MYOC: variants seen among roughly 807,000 people sequenced by gnomAD.
MYOC encodes myocilin, also known as juvenile-onset open-angle glaucoma 1.
Under a neutral mutation model 28.2 loss-of-function variants are expected in MYOC, and 29 were observed. That is an observed-to-expected ratio of 1.03 (90% confidence interval 0.77 to 1.40). MYOC has a LOEUF of 1.40. Among genes scored for constraint, MYOC ranks in the 40% most tolerant of loss-of-function variants. MYOC has a pLI of 0.00. For missense variants in MYOC, 569 were observed against 620.6 expected (o/e 0.92, Z 0.88); for synonymous variants, 240 against 245.6 (o/e 0.98, Z 0.21).
intron 1 of MYOC, among the ~76,000 whole-genome samples, chr1:171,649,362 T>C (rs1653295659): frequency 1.3e-5 from 2 of 152,304 alleles, no homozygotes; most frequent in African/African-American, 2.4e-5. Context: ...CCTAGACTTA[T>C]ATTCCAGCCT....
intron 1 of MYOC, among the ~76,000 whole-genome samples, chr1:171,639,669 A>G (rs1653025905): frequency 1.3e-5 from 2 of 150,708 alleles, no homozygotes; most frequent in African/African-American, 4.9e-5. Flanking sequence ...AAAAAAAAAG[A>G]GACCGGGCAC....
At position 171,637,655 on chromosome 1, in the gene MYOC, C is replaced by G. The variant is rs939863586; in HGVS notation, c.730+942G>C. Among the ~76,000 whole-genome samples the G allele has an allele frequency of 4.6e-5, 7 of 152,072 alleles. No homozygotes were observed. The East Asian group carries it at 1.2e-3, about 25-fold the overall frequency. ...TGAGACAGAGTCTCACTCTGTCGCC[C>G]AGGCTGGAGGGCAGTGGTGTGATCT... On this transcript the variant is annotated intron_variant, in intron 2 of 2. Transcript: ENST00000037502.
chr1:171,651,586 T>G (rs531114857), intron 1 of MYOC, among the ~76,000 whole-genome samples: 34 of 152,318 alleles, frequency 2.2e-4, no homozygotes, highest in African/African-American at 8.2e-4. Context: ...CTTATTATCA[T>G]TTCCCAAATC....
intron 1 of MYOC, among the ~76,000 whole-genome samples, chr1:171,650,939 G>A (rs1035858293): frequency 4.6e-5 from 7 of 151,894 alleles, no homozygotes; most frequent in Non-Finnish European, 1.0e-4. Context: ...TTTATCCTTC[G>A]CAACCACAGT....
intron 1 of MYOC, among the ~76,000 whole-genome samples, chr1:171,651,670 A>C (rs1376644205): frequency 6.6e-5 from 10 of 152,212 alleles, no homozygotes; most frequent in Admixed American, 6.5e-4. Flanking sequence ...AGGTTCAAAA[A>C]AGGATAGTTT....
In MYOC at chr1:171,652,436, G is replaced by A; in HGVS notation, c.176C>T (p.Ser59Phe). 1.9e-6 allele frequency: 3 copies of A among 1,614,204 alleles called. No individual in the cohort carries two copies. Among genetic ancestry groups the A allele is most frequent in the Non-Finnish European group, 2.5e-6 (3 of 1,180,040 alleles). ...YTFSVASPNE[S>F]SCPEQSQAMS... ...GGCCTGGCTCTGCTCTGGGCAGCTG[G>A]ATTCATTGGGACTGGCCACACTGAA... The change falls in exon 1 of 3, where the codon TCC (serine) becomes TTC (phenylalanine). Residue 59 changes from serine (S) to phenylalanine (F), a missense_variant. Physicochemically the swap from Ser to Phe is radical, Grantham distance 155 (BLOSUM62 -2). Coordinates refer to ENST00000037502, the MANE Select transcript of MYOC (RefSeq NM_000261.2).
chr1:171,648,110 AC>A (rs1388685693), intron 1 of MYOC, among the ~76,000 whole-genome samples: 3 of 151,374 alleles, frequency 2.0e-5, no homozygotes, highest in Admixed American at 6.6e-5. Context: ...AATTGCTTGA[AC>A]CCAGGAGGCG....
Position 171,635,897 on chromosome 1 carries a change from G to A in MYOC, c.*28C>T. On this transcript the variant is annotated 3_prime_UTR_variant, in exon 3 of 3. Coordinates refer to ENST00000037502, the MANE Select transcript of MYOC (RefSeq NM_000261.2). ...CCAGGAGCCCTGAGCATCTCCTTCT[G>A]CCATTGCCTGTACAGCTTGGAGGCT... The A allele has an allele frequency of 1.2e-6, 2 of 1,612,754 alleles. No individual in the cohort carries two copies. The highest frequency in any genetic ancestry group is 1.7e-6 in the Non-Finnish European group (2 of 1,179,338).
chr1:171,638,198 G>A (rs912069147), intron 2 of MYOC, among the ~76,000 whole-genome samples: 2 of 152,204 alleles, frequency 1.3e-5, no homozygotes, highest in African/African-American at 4.8e-5. Flanking sequence ...ACAGATTGTG[G>A]CTGAGATGGT....
At chr1:171,639,077 CAAGA>C (rs1471832830) in intron 1 of MYOC, among the ~76,000 whole-genome samples, 28 of 152,130 alleles carry the variant, frequency 1.8e-4, no homozygotes, top group Non-Finnish European at 3.4e-4. Flanking sequence ...GCTTGGGCAA[CAAGA>C]AAGAAACTCT....
rs78446738 is a variant in MYOC at position 171,644,047 on chromosome 1, A to C, written c.605-5325T>G. On this transcript the variant is annotated intron_variant, in intron 1 of 2. Coordinates refer to ENST00000037502, the MANE Select transcript of MYOC (RefSeq NM_000261.2). ...GAGAAATACTGCATGCCATCTGTAC[A>C]CAAAGTCTGGAGGACTGCCCCAACC... is the stretch of plus-strand genomic sequence containing the variant. Among the ~76,000 whole-genome samples the C allele has an allele frequency of 1.7e-3, 252 of 151,412 alleles. 3 individuals are homozygous for C. Among genetic ancestry groups the C allele is most frequent in the African/African-American group, 5.9e-3 (242 of 41,220 alleles).
chr1:171,636,000 G>A lies in MYOC; in HGVS notation c.1440C>T (p.Asn480=), dbSNP rs74315332. 1 of 1,614,192 alleles carries A rather than the reference G, an allele frequency of 6.2e-7. No individual in the cohort carries two copies. Among genetic ancestry groups the A allele is most frequent in the South Asian group, 1.1e-5 (1 of 91,078 alleles). ...RYKYSSMIDY[N]PLEKKLFAWD... is the part of the protein sequence containing the mutation. ...AGGCAAAGAGCTTCTTCTCCAGGGG[G>A]TTGTAGTCAATCATGCTGCTGTACT... The change falls in exon 3 of 3, where the codon AAC becomes AAT. Residue 480 remains asparagine, a synonymous_variant. Coordinates refer to ENST00000037502, the MANE Select transcript of MYOC (RefSeq NM_000261.2).
intron 1 of MYOC, among the ~76,000 whole-genome samples, chr1:171,646,695 C>T (rs905149160): frequency 6.6e-6 from 1 of 151,958 alleles, no homozygotes; most frequent in Non-Finnish European, 1.5e-5. Context: ...CAGGGTTTTA[C>T]CATATTGGCC....
intron 2 of MYOC, 133 bp downstream of exon 2, chr1:171,638,464 C>G: frequency 9.9e-7 from 1 of 1,009,396 alleles, no homozygotes; most frequent in Non-Finnish European, 1.5e-6. Flanking sequence ...CTCTTCTCCT[C>G]CCCTCCCTCT....
At chr1:171,647,384 C>T (rs1653230008) in intron 1 of MYOC, among the ~76,000 whole-genome samples, 2 of 152,006 alleles carry the variant, frequency 1.3e-5, no homozygotes, top group South Asian at 2.1e-4. Flanking sequence ...ATTAGCCGGG[C>T]ATGGTGGCGT....
intron 1 of MYOC, 103 bp from the exon 2 acceptor site, chr1:171,638,825 G>A (rs1572211880): frequency 7.5e-7 from 1 of 1,327,484 alleles, no homozygotes; most frequent in African/African-American, 1.4e-5. Context: ...CAGGCGTGGT[G>A]GCTCATGCCT....
At chr1:171,637,203 T>G (rs1652944858) in intron 2 of MYOC, among the ~76,000 whole-genome samples, 1 of 152,140 alleles carries the variant, frequency 6.6e-6, no homozygotes, top group African/African-American at 2.4e-5. Flanking sequence ...CAGGGACCCA[T>G]GGGTGTTCAT....
chr1:171,652,563 C>T lies in MYOC; in HGVS notation c.49G>A (p.Ala17Thr), dbSNP rs1029637512. ...CAGGCCAGAAGCAGCAGCTGGACAG[C>T]TGGCATCTCAGGCCCAAAGCTGCAG... Reference protein sequence around the residue: ...RCCSFGPEMPAVQLLLLACLV... With the variant: ...RCCSFGPEMPTVQLLLLACLV... The change falls in exon 1 of 3, where the codon GCT becomes ACT. Residue 17 changes from alanine (A) to threonine (T), a missense_variant. Ala to Thr is a moderately conservative substitution (Grantham distance 58, BLOSUM62 0). Coordinates refer to ENST00000037502, the MANE Select transcript of MYOC (RefSeq NM_000261.2). The T allele has an allele frequency of 1.9e-6, 3 of 1,614,224 alleles. No individual in the cohort carries two copies. The highest frequency in any genetic ancestry group is 2.5e-6 in the Non-Finnish European group (3 of 1,180,032).
intron 2 of MYOC, 119 bp from the exon 3 acceptor site, chr1:171,636,828 G>T: frequency 8.7e-7 from 1 of 1,148,528 alleles, no homozygotes; most frequent in Non-Finnish European, 1.3e-6. Context: ...GAGACAAATC[G>T]TCTGGGTTTA....
Sources: gnomAD v4.1 joint callset for allele counts (sites outside exome capture counted in the v4.1 genomes callset) on GRCh38, gnomAD v4.1.1 for gene constraint, MANE v1.5 for transcripts, NCBI Gene and HGNC (gene_info 2026-07-23, HGNC 2026-07-21) for gene names.